AGRN: variants seen among roughly 807,000 people sequenced by gnomAD.
AGRN encodes the protein agrin.
AGRN carries 106 observed loss-of-function variants against 211.0 expected under a neutral mutation model. That is an observed-to-expected ratio of 0.50 (90% CI 0.43 to 0.59). AGRN has a LOEUF of 0.59. Among genes scored for constraint, AGRN ranks in the 20% least tolerant of loss-of-function variants. AGRN has a pLI of 0.00. For synonymous variants in AGRN, 1,525 were observed against 1,332.5 expected (o/e 1.14, Z -3.15); for missense variants, 3,040 against 2,982.6 (o/e 1.02, Z -0.45).
intron 2 of AGRN, among the ~76,000 whole-genome samples, chr1:1,028,320 G>GCCCCCCCCCCCC (rs77046272): frequency 1.3e-4 from 14 of 105,102 alleles, no homozygotes; most frequent in African/African-American, 5.3e-4. Context: ...GTGGGGAAAC[G>GCCCCCCCCCCCC]CCCCCCCCCC....
intron 2 of AGRN, among the ~76,000 whole-genome samples, chr1:1,029,939 A>G (rs1445422248): frequency 1.1e-4 from 5 of 46,548 alleles, no homozygotes; most frequent in African/African-American, 3.9e-4. Flanking sequence ...TGAGATCAGC[A>G]TGTGTGTGTG....
intron 30 of AGRN, 150 bp downstream of exon 30, chr1:1,050,987 C>G: frequency 6.4e-7 from 1 of 1,550,618 alleles, no homozygotes; most frequent in Non-Finnish European, 8.7e-7. Flanking sequence ...TGCCTCCCTG[C>G]TCTCTGCTCT....
At position 1,050,523 on chromosome 1, in the gene AGRN, G is replaced by A. The variant is rs758488857; in HGVS notation, c.5073G>A (p.Val1691=). ...AGACGGACGGCAAGGGGGACTTCGT[G>A]TCGCTGGCACTGCGGGACCGCCGCC... ...GQKTDGKGDF[V]SLALRDRRLE... Residue 1691 remains valine, a synonymous_variant, in exon 29 of 36, where the codon GTG becomes GTA. Transcript: ENST00000379370. 1 of 1,612,748 alleles carries A rather than the reference G, an allele frequency of 6.2e-7. No individual in the cohort carries two copies. The highest frequency in any genetic ancestry group is 1.3e-5 in the African/African-American group (1 of 74,912).
intron 3 of AGRN, among the ~76,000 whole-genome samples, chr1:1,035,824 C>T: frequency 6.6e-6 from 1 of 150,962 alleles, no homozygotes; most frequent in African/African-American, 2.4e-5. Flanking sequence ...CCCTGGGACT[C>T]TGCAGGCTGT....
chr1:1,035,124 G>A, intron 2 of AGRN, 153 bp from the exon 3 acceptor site: 1 of 875,370 alleles, frequency 1.1e-6, no homozygotes, highest in Non-Finnish European at 1.9e-6. Flanking sequence ...AGCCCATGGG[G>A]TCAGGGCTGG....
intron 1 of AGRN, 150 bp downstream of exon 1, chr1:1,020,523 G>A (rs1325678089): frequency 5.5e-6 from 4 of 728,376 alleles, no homozygotes. Flanking sequence ...GGGGGTCGCC[G>A]GGTCCCGGGA....
Position 1,047,602 on chromosome 1 carries a change from CAAG to C in AGRN, c.3550_3552del (p.Lys1184del), listed in dbSNP as rs1006455101. 1.9e-6 allele frequency: 3 copies of C among 1,612,900 alleles called. No individual in the cohort carries two copies. Among genetic ancestry groups the C allele is most frequent in the African/African-American group, 1.3e-5 (1 of 74,936 alleles). On this transcript the variant is annotated inframe_deletion, in exon 21 of 36. Coordinates refer to ENST00000379370, the MANE Select transcript of AGRN (RefSeq NM_198576.4). ...ACGACCTCTTCCGGAATTCAGACGT[CAAG>C]AAGGATTTTCGGAGTGTCCGCTTGC...
At chr1:1,040,576 C>T (rs1187875845) in intron 3 of AGRN, 89 bp from the exon 4 acceptor site, 16 of 1,464,668 alleles carry the variant, frequency 1.1e-5, no homozygotes, top group Non-Finnish European at 1.4e-5. Flanking sequence ...GGTGAATGCG[C>T]GGGCTGCGAG....
In AGRN at chr1:1,032,846, C is replaced by A. The variant is rs3121560; in HGVS notation, c.464-2431C>A. On this transcript the variant is annotated intron_variant, in intron 2 of 35. Coordinates refer to ENST00000379370, the MANE Select transcript of AGRN (RefSeq NM_198576.4). The surrounding 1 kb of genome is among the most constrained non-coding windows in gnomAD (Gnocchi z 4.7). ...AGGGGTGTGCGGGGGCGCTGAGGTGCGGTCGCCGAGAGATTCTGGCCTCCA... is the reference window on the plus strand; with the variant it reads ...AGGGGTGTGCGGGGGCGCTGAGGTGAGGTCGCCGAGAGATTCTGGCCTCCA... 0.29 allele frequency among the ~76,000 whole-genome samples: 43,665 copies of A among 151,912 alleles called. 6,883 individuals are homozygous for A. The highest frequency in any genetic ancestry group is 0.35 in the Non-Finnish European group (23,702 of 67,882).
rs1459158914 is a variant in AGRN, at chr1:1,049,883, T to G, written c.4745-20T>G. 6.2e-7 allele frequency: 1 copy of G among 1,610,356 alleles called. No homozygotes were observed. The highest frequency in any genetic ancestry group is 1.3e-5 in the African/African-American group (1 of 74,106). On this transcript the variant is annotated intron_variant, in intron 26 of 35. Coordinates refer to ENST00000379370, the MANE Select transcript of AGRN (RefSeq NM_198576.4). ...ACGCCTCCTGGGACCTCGGTCCCGG[T>G]CCCGTCTTCCTCCATCCAGGACCAA...
In AGRN at chr1:1,047,340, C is replaced by A. The variant is rs1250886116; in HGVS notation, c.3402C>A (p.Phe1134Leu). The stretch of plus-strand genomic sequence containing the variant: ...CCTCCCCCACAGCCACCAAGGTGTT[C>A]CAGGGCGTCCTGGAGCTGGAGGGCG... ...EGSNCPATKV[F>L]QGVLELEGVE... is the part of the protein sequence containing the mutation. The change falls in exon 20 of 36, where the codon TTC becomes TTA. Residue 1134 changes from phenylalanine to leucine, a missense_variant. Transcript: ENST00000379370. 6.2e-7 allele frequency: 1 copy of A among 1,604,712 alleles called. No homozygotes were observed. Among genetic ancestry groups the A allele is most frequent in the Non-Finnish European group, 8.5e-7 (1 of 1,176,144 alleles).
rs375378609 is a variant in AGRN, at chr1:1,051,337, G to C, written c.5338G>C (p.Val1780Leu). ...DFSKLARAAA[V>L]SSGFDGAIQL... The stretch of plus-strand genomic sequence containing the variant: ...CAGCAAGCTGGCCCGTGCTGCTGCC[G>C]TGTCCTCTGGCTTCGACGGTGCCAT... Residue 1780 changes from valine (V) to leucine (L), a missense_variant, in exon 31 of 36, where the codon GTG becomes CTG. Val to Leu is a conservative substitution (Grantham distance 32). Transcript: ENST00000379370. 6.4e-7 allele frequency: 1 copy of C among 1,568,910 alleles called. No homozygotes were observed.
intron 19 of AGRN, 177 bp downstream of exon 19, chr1:1,047,134 G>T: frequency 1.5e-6 from 2 of 1,348,256 alleles, no homozygotes; most frequent in Non-Finnish European, 1.0e-6. Flanking sequence ...GCAAGCCGGT[G>T]TGGCACACTG....
chr1:1,044,297 C>T lies in AGRN; in HGVS notation c.2149-37C>T, dbSNP rs558707870. The T allele has an allele frequency of 6.7e-4, 1,075 of 1,612,168 alleles. 19 individuals carry two copies. The South Asian group carries it at 0.011, about 16-fold the overall frequency. On this transcript the variant is annotated intron_variant, in intron 11 of 35. Coordinates refer to ENST00000379370, the MANE Select transcript of AGRN (RefSeq NM_198576.4). ...CCTGGCTCTCGGCGGGCGGCGGGGA[C>T]GGGGCTGCGGCCGCTCACACTGACA...
chr1:1,040,567 G>A (rs1253895164), intron 3 of AGRN, 98 bp from the exon 4 acceptor site: 2 of 1,419,530 alleles, frequency 1.4e-6, no homozygotes, highest in African/African-American at 1.4e-5. Flanking sequence ...GCGGGGGCGG[G>A]TGAATGCGCG....
intron 2 of AGRN, chr1:1,034,849 C>G (rs945162470): frequency 2.3e-6 from 1 of 431,874 alleles, no homozygotes; most frequent in Non-Finnish European, 3.4e-6. Context: ...CCCTCGGTCC[C>G]TGGAGGCCGT....
chr1:1,051,461 C>T lies in AGRN; in HGVS notation c.5379C>T (p.Leu1793=), dbSNP rs748809971. Residue 1793 remains leucine, a synonymous_variant, in exon 32 of 36, where the codon CTC becomes CTT. Transcript: ENST00000379370. ...GFDGAIQLVS[L]GGRQLLTPEH... is the part of the protein sequence containing the mutation. ...CTCACCCTGCCCTGCAGGTCTCCCT[C>T]GGAGGCCGCCAGCTGCTGACCCCGG... 24 of 1,557,938 alleles carry T rather than the reference C, an allele frequency of 1.5e-5. No individual in the cohort carries two copies. The highest frequency in any genetic ancestry group is 1.2e-4 in the African/African-American group (9 of 74,168).
intron 35 of AGRN, 114 bp from the exon 36 acceptor site, chr1:1,054,710 T>C: frequency 2.0e-6 from 3 of 1,492,542 alleles, no homozygotes; most frequent in Non-Finnish European, 2.7e-6. Flanking sequence ...CCCAGTGCTG[T>C]GGGGCCGGGA....
At position 1,048,513 on chromosome 1, in the gene AGRN, G is replaced by T; in HGVS notation, c.4105+148G>T. ...CGGCCAGATGCGGTGGCTCACGCCT[G>T]TAATCCCAGCACTTTGGGAGGCCGA... On this transcript the variant is annotated intron_variant, in intron 23 of 35. Coordinates refer to ENST00000379370, the MANE Select transcript of AGRN (RefSeq NM_198576.4). The surrounding 1 kb of genome is among the most constrained non-coding windows in gnomAD (Gnocchi z 5.9). 1 of 727,702 alleles carries T rather than the reference G, an allele frequency of 1.4e-6. No individual in the cohort carries two copies. The highest frequency in any genetic ancestry group is 2.2e-6 in the Non-Finnish European group (1 of 463,032). The allele number at this position is 727,702 out of a possible 1,614,324, so 45.1% of individuals were successfully genotyped here.
Sources: gnomAD v4.1 joint callset for allele counts (sites outside exome capture counted in the v4.1 genomes callset) on GRCh38, gnomAD v4.1.1 for gene constraint, Gnocchi (gnomAD v3.1) non-coding constraint, MANE v1.5 for transcripts, NCBI Gene and HGNC (gene_info 2026-07-23, HGNC 2026-07-21) for gene names.